The following TRIOBP variants were observed in gnomAD, a reference collection of about 807,000 sequenced individuals.
The protein encoded by TRIOBP is TRIO and F-actin-binding protein.
A neutral mutation model predicts 238.8 loss-of-function variants in TRIOBP; 169 were observed. That is an observed-to-expected ratio of 0.71 (90% CI 0.62 to 0.80). The LOEUF (loss-of-function observed/expected upper bound fraction) is 0.80, where lower values mean the gene tolerates loss of function less well. TRIOBP is among the 30% of genes least tolerant of loss of function. The pLI is 0.00. For missense variants in TRIOBP, 2,838 were observed against 3,122.6 expected, an observed-to-expected ratio of 0.91 and a Z score of 2.17; for synonymous variants, 1,150 against 1,274.4, an observed-to-expected ratio of 0.90 and a Z score of 2.08.
rs1569046176 is a variant in TRIOBP, at chr22:37,734,550, G to A, written c.4214G>A (p.Arg1405Lys). Residue 1405 changes from arginine (R) to lysine (K), a missense_variant, in exon 9 of 24, where the codon AGG (arginine) becomes AAG (lysine). Arg to Lys is a conservative substitution (Grantham distance 26). This residue lies in a region of TRIOBP where 2,096 missense variants were observed against 2,137.4 expected (regional missense o/e 0.98). Coordinates refer to ENST00000644935, the MANE Select transcript of TRIOBP (RefSeq NM_001039141.3). ...AGGACATCAGCCAGGACCCCTGAGA[G>A]GGAGCTGCGGACACAGAGACCTCTG... The part of the protein sequence containing the change: ...PPRTSARTPE[R>K]ELRTQRPLES... 1.3e-6 allele frequency: 2 copies of A among 1,593,074 alleles called. No homozygotes were observed. The highest frequency in any genetic ancestry group is 1.1e-5 in the South Asian group (1 of 88,662).
chr22:37,751,734 GCTGGACCCAA>G (rs1226012090), intron 11 of TRIOBP, 28 bp from the exon 12 acceptor site: 1 of 1,613,220 alleles, frequency 6.2e-7, no homozygotes, highest in South Asian at 1.1e-5. Context: ...TTGGCTTCCT[GCTGGACCCAA>G]CTCACCTCCC....
At chr22:37,770,105 C>T (rs1365330233) in intron 21 of TRIOBP, among the ~76,000 whole-genome samples, 1 of 147,520 alleles carries the variant, frequency 6.8e-6, no homozygotes, top group African/African-American at 2.5e-5. Context: ...AGTGCAGTGG[C>T]GCGATCTCGG....
rs772764906 is a variant in TRIOBP at position 37,726,449 on chromosome 22, G to A, written c.3893G>A (p.Arg1298His). 1.0e-5 allele frequency: 16 copies of A among 1,569,700 alleles called. No individual in the cohort carries two copies. Among genetic ancestry groups the A allele is most frequent in the South Asian group, 2.3e-5 (2 of 87,028 alleles). Residue 1298 changes from arginine to histidine, a missense_variant, in exon 7 of 24, where the codon CGC becomes CAC. Coordinates refer to ENST00000644935, the MANE Select transcript of TRIOBP (RefSeq NM_001039141.3). ...GPQAQCSSGG[R>H]THSPGRAEVE... ...CAGGCGCAGTGCAGCAGCGGGGGCC[G>A]CACCCACAGCCCTGGCCGTGCAGAG...
rs764688142 is a variant in TRIOBP at position 37,723,929 on chromosome 22, G to A, written c.1373G>A (p.Arg458Gln). The A allele has an allele frequency of 8.2e-6, 10 of 1,223,830 alleles. No individual in the cohort carries two copies. The highest frequency in any genetic ancestry group is 2.4e-5 in the East Asian group (1 of 41,866). The allele number at this position is 1,223,830 out of a possible 1,614,324, so 75.8% of individuals were successfully genotyped here. The stretch of plus-strand genomic sequence containing the variant: ...AACCCCACAACATCCTGTGCCCAGC[G>A]GGACAATCCCAGAGCCTCCAGAACC... ...RDNPTTSCAQRDNPRASRTSS... is the reference protein window; with the variant it reads ...RDNPTTSCAQQDNPRASRTSS... The change falls in exon 7 of 24, where the codon CGG becomes CAG. Residue 458 changes from arginine to glutamine, a missense_variant. Physicochemically the swap from Arg to Gln is conservative, Grantham distance 43. This residue lies in a region of TRIOBP where 26 missense variants were observed against 49.3 expected (regional missense o/e 0.53). Transcript: ENST00000644935.
chr22:37,712,220 C>G (rs1923284838), intron 4 of TRIOBP, among the ~76,000 whole-genome samples: 1 of 152,080 alleles, frequency 6.6e-6, no homozygotes, highest in South Asian at 2.1e-4. Flanking sequence ...TGGCATCTTG[C>G]TCTATCACCC....
At chr22:37,753,571 G>A (rs973231130) in intron 12 of TRIOBP, among the ~76,000 whole-genome samples, 2 of 152,164 alleles carry the variant, frequency 1.3e-5, no homozygotes, top group Non-Finnish European at 2.9e-5. Context: ...GAGCTACCGC[G>A]CCCAGCTATA....
intron 5 of TRIOBP, 35 bp downstream of exon 5, chr22:37,713,446 G>T: frequency 6.2e-7 from 1 of 1,605,358 alleles, no homozygotes; most frequent in Non-Finnish European, 8.5e-7. Flanking sequence ...GGACAAGAGT[G>T]GCTCACACCT....
intron 6 of TRIOBP, among the ~76,000 whole-genome samples, chr22:37,716,551 T>G (rs1000998676): frequency 1.3e-5 from 2 of 152,138 alleles, no homozygotes; most frequent in Admixed American, 1.3e-4. Flanking sequence ...TGCCTCAGCC[T>G]CCTAAGTACC....
At chr22:37,736,263 G>A (rs562891231) in intron 9 of TRIOBP, among the ~76,000 whole-genome samples, 3 of 152,190 alleles carry the variant, frequency 2.0e-5, no homozygotes, top group Admixed American at 6.5e-5. Flanking sequence ...TTGGGAGGAC[G>A]GCATGTGGTT....
At chr22:37,743,846 CTGGG>C (rs1569050407) in intron 11 of TRIOBP, among the ~76,000 whole-genome samples, 2 of 59,050 alleles carry the variant, frequency 3.4e-5, no homozygotes, top group African/African-American at 1.3e-4. Flanking sequence ...TGTGTGTGTG[CTGGG>C]TGTGTGTGAG....
intron 7 of TRIOBP, among the ~76,000 whole-genome samples, chr22:37,727,482 C>T (rs1924231096): frequency 6.6e-6 from 1 of 151,868 alleles, no homozygotes; most frequent in Non-Finnish European, 1.5e-5. Context: ...GCCTGGCTAA[C>T]ACGGTGAAAC....
At position 37,746,064 on chromosome 22, in the gene TRIOBP, G is replaced by GCCGTCCCGCCGTCCCA. The variant is rs1336034640; in HGVS notation, c.5322+5035_5322+5036insTCCCGCCGTCCCACCG. 4.9e-4 allele frequency among the ~76,000 whole-genome samples: 58 copies of GCCGTCCCGCCGTCCCA among 117,884 alleles called. 1 individual carries two copies. Among genetic ancestry groups the GCCGTCCCGCCGTCCCA allele is most frequent in the Admixed American group, 1.1e-3 (13 of 11,918 alleles). 77.3% of individuals were successfully genotyped at this position (117,884 alleles called of 152,430 possible). ...GCCCACCCCGCCGTCCCGCCGTCCC[G>GCCGTCCCGCCGTCCCA]CCGCCCCGCCGCCCTAGCGCGCCCG... On this transcript the variant is annotated intron_variant, in intron 11 of 23. Transcript: ENST00000644935.
At position 37,765,952 on chromosome 22, in the gene TRIOBP, AG is replaced by A. The variant is rs371209220; in HGVS notation, c.6472+137del. On this transcript the variant is annotated intron_variant, in intron 18 of 23. Coordinates refer to ENST00000644935, the MANE Select transcript of TRIOBP (RefSeq NM_001039141.3). ...GCCACATTTGGGGTAAAGGGTCAGC[AG>A]GTGTTAGAAGCTCCAAGAACTGGCC... 1.4e-3 allele frequency: 1,770 copies of A among 1,228,292 alleles called. 23 individuals carry two copies. The African/African-American group carries it at 0.023, about 16-fold the overall frequency. 76.1% of individuals were successfully genotyped at this position (1,228,292 alleles called of 1,614,324 possible). A position where few individuals can be genotyped will look rare whatever the true frequency, so the allele number is the denominator to read the frequency against.
intron 10 of TRIOBP, among the ~76,000 whole-genome samples, chr22:37,739,798 GTTA>G (rs1924849080): frequency 2.0e-5 from 3 of 152,298 alleles, no homozygotes; most frequent in African/African-American, 7.2e-5. Flanking sequence ...CTCTTTCTGG[GTTA>G]TTTCTTCATA....
intron 3 of TRIOBP, among the ~76,000 whole-genome samples, chr22:37,706,789 C>G (rs1922963651): frequency 6.8e-6 from 1 of 147,230 alleles, no homozygotes. Context: ...AAAAAAAGAT[C>G]AGAGAGGGGC....
Position 37,710,444 on chromosome 22 carries a change from A to G in TRIOBP, c.132A>G (p.Ser44=). ...TGGCCCAGGAGCTCAGGAGCCCTTC[A>G]GGTGCTGAGGTGCCCTACTGCGACC... ...GARYQELRSP[S]GAEVPYCDLP... The change falls in exon 4 of 24, where the codon TCA becomes TCG. Residue 44 remains serine (S), a synonymous_variant. Coordinates refer to ENST00000644935, the MANE Select transcript of TRIOBP (RefSeq NM_001039141.3). 1 of 1,613,500 alleles carries G rather than the reference A, an allele frequency of 6.2e-7. No individual in the cohort carries two copies. Among genetic ancestry groups the G allele is most frequent in the Non-Finnish European group, 8.5e-7 (1 of 1,180,002 alleles).
intron 7 of TRIOBP, among the ~76,000 whole-genome samples, chr22:37,726,905 AT>A (rs1325166535): frequency 7.3e-6 from 1 of 137,054 alleles, no homozygotes; most frequent in Non-Finnish European, 1.6e-5. Flanking sequence ...TTTATTTTTT[AT>A]TTTTTGTTTT....
At chr22:37,746,069 C>G (rs1306542425) in intron 11 of TRIOBP, among the ~76,000 whole-genome samples, 1 of 148,302 alleles carries the variant, frequency 6.7e-6, no homozygotes, top group Non-Finnish European at 1.5e-5. Flanking sequence ...GTCCCGCCGC[C>G]CCGCCGCCCT....
chr22:37,739,247 A>G (rs556941083), intron 10 of TRIOBP, among the ~76,000 whole-genome samples: 1 of 152,186 alleles, frequency 6.6e-6, no homozygotes, highest in African/African-American at 2.4e-5. Flanking sequence ...CCTCCCCGTG[A>G]CCTACCAAAC....
Sources: gnomAD v4.1 joint callset for allele counts (sites outside exome capture counted in the v4.1 genomes callset) on GRCh38, gnomAD v4.1.1 for gene constraint, gnomAD v4.1.1 regional missense constraint, MANE v1.5 for transcripts, NCBI Gene and HGNC (gene_info 2026-07-23, HGNC 2026-07-21) for gene names.